FRMD4A: variants seen among roughly 807,000 people sequenced by gnomAD.
FRMD4A encodes the protein FERM domain-containing protein 4A.
A neutral mutation model predicts 129.1 loss-of-function variants in FRMD4A; 29 were observed. The ratio of observed to expected loss-of-function variants is 0.22; its 90% confidence interval spans 0.17 to 0.31. The LOEUF is 0.31. Ranked by LOEUF, FRMD4A falls within the 10% of genes least tolerant of loss-of-function variation. The pLI is 1.00. For missense variants in FRMD4A, 1,272 were observed against 1,375.8 expected, an observed-to-expected ratio of 0.92 and a Z score of 1.19; for synonymous variants, 634 against 571.6, an observed-to-expected ratio of 1.11 and a Z score of -1.56.
chr10:14,057,934 C>T lies in FRMD4A; in HGVS notation c.46-199022G>A, dbSNP rs184938525. 8.6e-4 allele frequency among the ~76,000 whole-genome samples: 131 copies of T among 152,266 alleles called. 1 individual carries two copies. Among genetic ancestry groups the T allele is most frequent in the Middle Eastern group, 6.8e-3 (2 of 294 alleles). On this transcript the variant is annotated intron_variant, in intron 2 of 24. Coordinates refer to ENST00000357447, the MANE Select transcript of FRMD4A (RefSeq NM_018027.5). ...GAGCCAAATTCAGTTTGCGTGTCTG[C>T]GTCAGTGGACAAGATTTTGTTTGAA...
At chr10:13,841,834 A>C (rs563649055) in intron 3 of FRMD4A, among the ~76,000 whole-genome samples, 39 of 152,284 alleles carry the variant, frequency 2.6e-4, no homozygotes, top group African/African-American at 9.4e-4. Flanking sequence ...AGGAACCCTC[A>C]TATTTGCAGC....
At chr10:13,664,704 A>AT (rs34523185) in intron 18 of FRMD4A, among the ~76,000 whole-genome samples, 68 of 146,132 alleles carry the variant, frequency 4.7e-4, no homozygotes, top group Middle Eastern at 3.6e-3. Context: ...CCATGTTAAC[A>AT]TTTTTTTTTT....
At chr10:13,955,200 C>T (rs933386075) in intron 2 of FRMD4A, among the ~76,000 whole-genome samples, 10 of 144,560 alleles carry the variant, frequency 6.9e-5, no homozygotes, top group Admixed American at 3.0e-4. Flanking sequence ...CTCTGCCTTC[C>T]GGGTTCAAGC....
At chr10:14,183,192 T>A (rs1342564034) in intron 2 of FRMD4A, among the ~76,000 whole-genome samples, 1 of 152,216 alleles carries the variant, frequency 6.6e-6, no homozygotes, top group Non-Finnish European at 1.5e-5. Flanking sequence ...TAATTTAAAA[T>A]TGAATTTACA....
At chr10:14,300,299 T>A (rs1846142884) in intron 2 of FRMD4A, among the ~76,000 whole-genome samples, 1 of 152,112 alleles carries the variant, frequency 6.6e-6, no homozygotes, top group African/African-American at 2.4e-5. Context: ...GGCTTGGAGG[T>A]ATGATGGGCT....
At position 14,248,444 on chromosome 10, in the gene FRMD4A, G is replaced by T. The variant is rs113214301; in HGVS notation, c.45+81614C>A. 2.0e-5 allele frequency among the ~76,000 whole-genome samples: 3 copies of T among 150,870 alleles called. No individual in the cohort carries two copies. The Admixed American group carries it at 2.0e-4, about 10-fold the overall frequency. On this transcript the variant is annotated intron_variant, in intron 2 of 24. Transcript: ENST00000357447. ...CAGAATTTTATTCATCAATGTGTTC[G>T]TTATCTCTAGAGCCAATTTTAGAGT...
intron 2 of FRMD4A, among the ~76,000 whole-genome samples, chr10:14,140,097 T>C (rs1411470493): frequency 6.6e-6 from 1 of 152,218 alleles, no homozygotes; most frequent in Non-Finnish European, 1.5e-5. Flanking sequence ...AATCTCACTC[T>C]GTTACCCAGG....
At chr10:13,910,509 C>A (rs2094929596) in intron 2 of FRMD4A, among the ~76,000 whole-genome samples, 1 of 152,174 alleles carries the variant, frequency 6.6e-6, no homozygotes, top group African/African-American at 2.4e-5. Flanking sequence ...TTATTTTAAG[C>A]TATTATATTT....
In FRMD4A at chr10:14,139,130, A is replaced by AT. The variant is rs139203076; in HGVS notation, c.45+190927dup. Among the ~76,000 whole-genome samples, 253 of 152,352 alleles carry AT rather than the reference A, an allele frequency of 1.7e-3. 1 individual carries two copies. The highest frequency in any genetic ancestry group is 6.8e-3 in the Middle Eastern group (2 of 294). On this transcript the variant is annotated intron_variant, in intron 2 of 24. Transcript: ENST00000357447. ...TCATTCTTGTTTGTATTGTTACTACATAAAAATAGCAGAAGCAGGAAGAAA... is the reference window on the plus strand; with the variant it reads ...TCATTCTTGTTTGTATTGTTACTACATTAAAAATAGCAGAAGCAGGAAGAAA...
intron 3 of FRMD4A, among the ~76,000 whole-genome samples, chr10:13,818,110 T>G (rs932363016): frequency 6.6e-6 from 1 of 152,106 alleles, no homozygotes; most frequent in African/African-American, 2.4e-5. Flanking sequence ...ATCTGTACAA[T>G]GATGGACTAC....
chr10:14,112,752 C>T (rs1837985265), intron 2 of FRMD4A, among the ~76,000 whole-genome samples: 1 of 152,220 alleles, frequency 6.6e-6, no homozygotes. Context: ...TCTTGAACTC[C>T]TGACCTCAGG....
At chr10:13,978,332 T>C (rs573824416) in intron 2 of FRMD4A, among the ~76,000 whole-genome samples, 30 of 152,290 alleles carry the variant, frequency 2.0e-4, no homozygotes, top group South Asian at 8.3e-4. Context: ...GCAGATGGAA[T>C]CTGGGGAAAA....
At chr10:14,184,789 A>G (rs1842032821) in intron 2 of FRMD4A, among the ~76,000 whole-genome samples, 3 of 152,186 alleles carry the variant, frequency 2.0e-5, no homozygotes, top group Admixed American at 1.3e-4. Flanking sequence ...TTTGGAGAAT[A>G]AAGGCGCATT....
intron 2 of FRMD4A, among the ~76,000 whole-genome samples, chr10:13,869,771 G>A (rs1231685609): frequency 1.3e-5 from 2 of 152,152 alleles, no homozygotes; most frequent in African/African-American, 2.4e-5. Context: ...TTCTGAAAAC[G>A]GGATTTTCTT....
At chr10:13,923,425 C>A (rs1388020486) in intron 2 of FRMD4A, among the ~76,000 whole-genome samples, 1 of 152,210 alleles carries the variant, frequency 6.6e-6, no homozygotes, top group Non-Finnish European at 1.5e-5. Context: ...TAGACTTAGG[C>A]TCTGTGGGCA....
intron 2 of FRMD4A, among the ~76,000 whole-genome samples, chr10:14,180,766 A>G (rs1358049546): frequency 1.3e-5 from 2 of 152,346 alleles, no homozygotes; most frequent in African/African-American, 4.8e-5. Flanking sequence ...AGTTCTTCCA[A>G]TGCTGTCACA....
chr10:14,055,311 C>T (rs116578380), intron 2 of FRMD4A, among the ~76,000 whole-genome samples: 33 of 152,252 alleles, frequency 2.2e-4, no homozygotes, highest in African/African-American at 6.0e-4. Context: ...TCTTTCCAGA[C>T]GCAGTCTTCA....
chr10:13,974,667 C>G lies in FRMD4A; in HGVS notation c.46-115755G>C, dbSNP rs535718194. ...TCAGCCTCCCGAGTACCTGGGATTACAGGCACCCGCCACCATGCCTGGCTA... is the reference window on the plus strand; with the variant it reads ...TCAGCCTCCCGAGTACCTGGGATTAGAGGCACCCGCCACCATGCCTGGCTA... On this transcript the variant is annotated intron_variant, in intron 2 of 24. Coordinates refer to ENST00000357447, the MANE Select transcript of FRMD4A (RefSeq NM_018027.5). Among the ~76,000 whole-genome samples the G allele has an allele frequency of 5.9e-5, 9 of 152,292 alleles. No homozygotes were observed. In the South Asian group the frequency reaches 1.9e-3, roughly 32 times the overall value.
chr10:13,662,753 G>A (rs1481796234), intron 19 of FRMD4A, among the ~76,000 whole-genome samples: 2 of 152,210 alleles, frequency 1.3e-5, no homozygotes, highest in African/African-American at 4.8e-5. Flanking sequence ...GTCTTGGGAA[G>A]CAACAGAGGG....
Sources: allele counts gnomAD v4.1 joint callset (sites outside exome capture counted in the v4.1 genomes callset), GRCh38; gene constraint gnomAD v4.1.1; transcripts MANE v1.5; gene names NCBI Gene and HGNC (gene_info 2026-07-23, HGNC 2026-07-21).